TNC: variants seen among roughly 807,000 people sequenced by gnomAD.
TNC encodes tenascin.
A neutral mutation model predicts 202.4 loss-of-function variants in TNC; 109 were observed. That is an observed-to-expected ratio of 0.54 (90% confidence interval 0.46 to 0.63). TNC has a LOEUF of 0.63. Ranked by LOEUF, TNC falls within the 30% of genes least tolerant of loss-of-function variation. The probability of loss-of-function intolerance (pLI) is 0.00; values close to 1 mark genes in which losing one functional copy is unlikely to be tolerated. For synonymous variants in TNC, 1,007 were observed against 1,089.7 expected (o/e 0.92, Z 1.50); for missense variants, 2,756 against 2,833.3 (o/e 0.97, Z 0.62).
chr9:115,023,734 T>C (rs1442723071), intron 27 of TNC, among the ~76,000 whole-genome samples: 1 of 152,366 alleles, frequency 6.6e-6, no homozygotes, highest in African/African-American at 2.4e-5. Context: ...GTTCTGTTTT[T>C]GGAATCCATT....
chr9:115,036,260 T>C lies in TNC; in HGVS notation c.5513-19A>G, dbSNP rs1168875913. On this transcript the variant is annotated intron_variant, in intron 20 of 27. Coordinates refer to ENST00000350763, the MANE Select transcript of TNC (RefSeq NM_002160.4). ...TCTGGCACTAAACATGAAATACACA[T>C]ACCAAGGCAGTCACCTCTCACTGTC... is the stretch of plus-strand genomic sequence containing the variant. 3 of 1,613,180 alleles carry C rather than the reference T, an allele frequency of 1.9e-6. No individual in the cohort carries two copies. The highest frequency in any genetic ancestry group is 2.2e-5 in the East Asian group (1 of 44,868).
intron 1 of TNC, 86 bp from the exon 2 acceptor site, chr9:115,091,240 A>G (rs768738410): frequency 1.1e-5 from 6 of 546,524 alleles, no homozygotes; most frequent in Non-Finnish European, 1.9e-5. Context: ...TTTTGATTTT[A>G]TATCCCTGTA....
At chr9:115,065,499 T>A (rs1359147398) in intron 10 of TNC, among the ~76,000 whole-genome samples, 2 of 152,246 alleles carry the variant, frequency 1.3e-5, no homozygotes, top group Non-Finnish European at 2.9e-5. Context: ...TTTAGAAAAC[T>A]ATATGTCTAT....
intron 17 of TNC, among the ~76,000 whole-genome samples, chr9:115,045,007 T>C (rs1831067938): frequency 6.6e-6 from 1 of 152,230 alleles, no homozygotes; most frequent in African/African-American, 2.4e-5. Flanking sequence ...TTTTCTCTCA[T>C]CCAGACTGCT....
chr9:115,066,554 C>T (rs771323109), intron 10 of TNC, among the ~76,000 whole-genome samples: 6 of 152,158 alleles, frequency 3.9e-5, no homozygotes, highest in African/African-American at 1.2e-4. Flanking sequence ...TTCTGGGGAA[C>T]ATTCTTCCTG....
intron 1 of TNC, among the ~76,000 whole-genome samples, chr9:115,101,512 C>T (rs1254445078): frequency 3.9e-5 from 6 of 152,162 alleles, no homozygotes; most frequent in Admixed American, 6.5e-5. Context: ...TGCACCTGGC[C>T]GCAATTGATT....
rs745899976 is a variant in TNC at position 115,062,992 on chromosome 9, T to G, written c.3958A>C (p.Thr1320Pro). The G allele has an allele frequency of 6.2e-7, 1 of 1,613,736 alleles. No individual in the cohort carries two copies. Among genetic ancestry groups the G allele is most frequent in the South Asian group, 1.1e-5 (1 of 91,034 alleles). ...CCGTGCAGGGTGACTGTGTAAGGAG[T>G]GCCAGCCCTGAGGCCTGGGATTTCC... The part of the protein sequence containing the change: ...SMEIPGLRAG[T>P]PYTVTLHGEV... The change falls in exon 13 of 28, where the codon ACT becomes CCT. Residue 1320 changes from threonine (T) to proline (P), a missense_variant. This residue lies in a region of TNC where 2,559 missense variants were observed against 2,546.0 expected (regional missense o/e 1.01). Coordinates refer to ENST00000350763, the MANE Select transcript of TNC (RefSeq NM_002160.4).
intron 26 of TNC, 140 bp downstream of exon 26, chr9:115,026,394 C>T (rs1269982542): frequency 1.1e-6 from 1 of 890,420 alleles, no homozygotes; most frequent in Admixed American, 2.7e-5. Flanking sequence ...TCTGGATTGG[C>T]ACTCAGTAGG....
chr9:115,077,902 C>A, intron 7 of TNC, 41 bp downstream of exon 7: 1 of 1,575,196 alleles, frequency 6.3e-7, no homozygotes, highest in South Asian at 1.2e-5. Context: ...ATCTTTCAAT[C>A]TTTCCTTTAC....
intron 2 of TNC, among the ~76,000 whole-genome samples, chr9:115,088,577 A>G (rs1362384510): frequency 6.6e-6 from 1 of 152,174 alleles, no homozygotes; most frequent in Non-Finnish European, 1.5e-5. Flanking sequence ...CTTAAGGAGA[A>G]GAAACAAAAC....
chr9:115,060,653 TATTTATAATTAGAAAG>T (rs1216517206), intron 13 of TNC, among the ~76,000 whole-genome samples: 1 of 152,214 alleles, frequency 6.6e-6, no homozygotes, highest in Non-Finnish European at 1.5e-5. Flanking sequence ...TTTATTTCAT[TATTTATAATTAGAAAG>T]ATTATCTCAT....
In TNC at chr9:115,059,929, T is replaced by C; in HGVS notation, c.4107A>G (p.Ala1369=). Residue 1369 remains alanine (A), a synonymous_variant, in exon 14 of 28, where the codon GCA becomes GCG. Coordinates refer to ENST00000350763, the MANE Select transcript of TNC (RefSeq NM_002160.4). ...GWDGLRLNWT[A]ADNAYEHFVI... ...CAAAGTGCTCATAGGCATTGTCAGCTGCGGTCCAGTTGAGTCTGAGGCCAT... is the reference window on the plus strand; with the variant it reads ...CAAAGTGCTCATAGGCATTGTCAGCCGCGGTCCAGTTGAGTCTGAGGCCAT... 1 of 1,614,110 alleles carries C rather than the reference T, an allele frequency of 6.2e-7. No homozygotes were observed. The highest frequency in any genetic ancestry group is 1.1e-5 in the South Asian group (1 of 91,078).
chr9:115,061,460 G>A (rs529555156), intron 13 of TNC, among the ~76,000 whole-genome samples: 8 of 152,202 alleles, frequency 5.3e-5, no homozygotes, highest in African/African-American at 1.4e-4. Flanking sequence ...AAAAGTTTGC[G>A]GACTACAGAG....
chr9:115,096,225 A>G (rs2133894777), intron 1 of TNC, among the ~76,000 whole-genome samples: 1 of 152,320 alleles, frequency 6.6e-6, no homozygotes, highest in African/African-American at 2.4e-5. Flanking sequence ...CTTCCCCGTG[A>G]GATAGAAAAT....
intron 1 of TNC, among the ~76,000 whole-genome samples, chr9:115,103,036 A>G (rs1047138353): frequency 6.6e-6 from 1 of 152,216 alleles, no homozygotes. Context: ...TCACAGCCTC[A>G]GTTCTGTAAT....
At chr9:115,042,165 A>G in intron 18 of TNC, 54 bp downstream of exon 18, 1 of 1,565,294 alleles carries the variant, frequency 6.4e-7, no homozygotes, top group Non-Finnish European at 8.7e-7. Flanking sequence ...TTTTTCATGA[A>G]TCCATCCAAA....
intron 10 of TNC, among the ~76,000 whole-genome samples, chr9:115,069,611 CCTCCCTCT>C (rs1196978914): frequency 0.011 from 261 of 22,920 alleles, 34 homozygotes; most frequent in African/African-American, 0.026. Context: ...TCCCTCCCTC[CCTCCCTCT>C]CTCCCTCCCT....
chr9:115,041,121 C>G, intron 18 of TNC, 37 bp from the exon 19 acceptor site: 1 of 1,585,102 alleles, frequency 6.3e-7, no homozygotes, highest in Non-Finnish European at 8.6e-7. Context: ...GAATAATGAA[C>G]CTCACTGACA....
Position 115,090,543 on chromosome 9 carries a change from GC to G in TNC, c.457+18del. On this transcript the variant is annotated intron_variant, in intron 2 of 27. Coordinates refer to ENST00000350763, the MANE Select transcript of TNC (RefSeq NM_002160.4). ...CCATGTTTGCACAGTGTGGGACTGG[GC>G]GGGCCACCAGCTCATACCTGTGGCA... 6.5e-7 allele frequency: 1 copy of G among 1,545,212 alleles called. No individual in the cohort carries two copies. Among genetic ancestry groups the G allele is most frequent in the South Asian group, 1.2e-5 (1 of 80,494 alleles).
Sources: gnomAD v4.1 joint callset for allele counts (sites outside exome capture counted in the v4.1 genomes callset) on GRCh38, gnomAD v4.1.1 for gene constraint, gnomAD v4.1.1 regional missense constraint, MANE v1.5 for transcripts, NCBI Gene and HGNC (gene_info 2026-07-23, HGNC 2026-07-21) for gene names.